The following HDAC9 variants were observed in gnomAD, a reference collection of about 807,000 sequenced individuals.
The protein encoded by HDAC9 is MEF-2 interacting transcription repressor (MITR) protein.
Under a neutral mutation model 139.4 loss-of-function variants are expected in HDAC9, and 41 were observed. That is an observed-to-expected ratio of 0.29 (90% CI 0.23 to 0.38). The LOEUF is 0.38. Ranked by LOEUF, HDAC9 falls within the 10% of genes least tolerant of loss-of-function variation. The pLI, the probability that HDAC9 is intolerant of heterozygous loss-of-function variation, is 1.00. For synonymous variants in HDAC9, 517 were observed against 476.2 expected (o/e 1.09, Z -1.12); for missense variants, 1,147 against 1,297.0 (o/e 0.88, Z 1.78).
intron 1 of HDAC9, among the ~76,000 whole-genome samples, chr7:18,408,829 A>G (rs1788261886): frequency 6.6e-6 from 1 of 152,234 alleles, no homozygotes; most frequent in South Asian, 2.1e-4. Flanking sequence ...AATAATTTCT[A>G]ATGCAGCTCC....
In HDAC9 at chr7:18,746,582, A is replaced by G. The variant is rs546434679; in HGVS notation, c.1910-2423A>G. ...GACATAAAATAAAAGGTAGAAGATTAAACAAGTAAGACTACCCTTCAGGAA... is the reference window on the plus strand; with the variant it reads ...GACATAAAATAAAAGGTAGAAGATTGAACAAGTAAGACTACCCTTCAGGAA... On this transcript the variant is annotated intron_variant, in intron 13 of 25. Coordinates refer to ENST00000686413, the MANE Select transcript of HDAC9 (RefSeq NM_178425.4). Among the ~76,000 whole-genome samples, 7 of 152,384 alleles carry G rather than the reference A, an allele frequency of 4.6e-5. No individual in the cohort carries two copies. In the South Asian group the frequency reaches 1.5e-3, roughly 32 times the overall value.
chr7:18,873,812 G>A lies in HDAC9; in HGVS notation c.2685-666G>A, dbSNP rs118084620. On this transcript the variant is annotated intron_variant, in intron 21 of 25. Coordinates refer to ENST00000686413, the MANE Select transcript of HDAC9 (RefSeq NM_178425.4). ...GATGAGAAAGGGGTTTCGGAGCCCTGAAGTTGAGAAGGGAAGTGTTGAAGT... is the reference window on the plus strand; with the variant it reads ...GATGAGAAAGGGGTTTCGGAGCCCTAAAGTTGAGAAGGGAAGTGTTGAAGT... Among the ~76,000 whole-genome samples the A allele has an allele frequency of 1.8e-4, 28 of 152,196 alleles. No homozygotes were observed. In the East Asian group the frequency reaches 5.0e-3, roughly 27 times the overall value.
At position 18,996,171 on chromosome 7, in the gene HDAC9, T is replaced by G. The variant is rs929665751; in HGVS notation, c.*109T>G. 1 of 766,538 alleles carries G rather than the reference T, an allele frequency of 1.3e-6. No homozygotes were observed. Among genetic ancestry groups the G allele is most frequent in the African/African-American group, 1.8e-5 (1 of 57,114 alleles). The allele number at this position is 766,538 out of a possible 1,614,324, so 47.5% of individuals were successfully genotyped here. A position where few individuals can be genotyped will look rare whatever the true frequency, so the allele number is the denominator to read the frequency against. On this transcript the variant is annotated 3_prime_UTR_variant, in exon 26 of 26. Transcript: ENST00000686413. Reference sequence around the variant, plus strand: ...TGCTGCCTGGGTGGCACAGATTCAATGGAACATAAACACTGGGCACAAAAT... The same window carrying G: ...TGCTGCCTGGGTGGCACAGATTCAAGGGAACATAAACACTGGGCACAAAAT...
chr7:18,714,573 G>GT (rs1423661838), intron 12 of HDAC9, among the ~76,000 whole-genome samples: 7 of 152,186 alleles, frequency 4.6e-5, no homozygotes, highest in Admixed American at 1.3e-4. Flanking sequence ...CATTTACCAG[G>GT]TGCCCTGTCA....
chr7:18,437,230 G>A (rs1198601460), intron 1 of HDAC9, among the ~76,000 whole-genome samples: 1 of 152,104 alleles, frequency 6.6e-6, no homozygotes, highest in Admixed American at 6.6e-5. Context: ...GTATGTGTGT[G>A]TGTTTATATA....
intron 17 of HDAC9, among the ~76,000 whole-genome samples, chr7:18,825,653 A>G (rs1795367549): frequency 6.6e-6 from 1 of 151,444 alleles, no homozygotes. Context: ...GAGAAGAAGA[A>G]AAACGTGGGA....
intron 6 of HDAC9, among the ~76,000 whole-genome samples, chr7:18,622,577 C>T (rs1481558380): frequency 6.6e-6 from 1 of 152,016 alleles, no homozygotes; most frequent in East Asian, 1.9e-4. Flanking sequence ...CCGCCTTGGC[C>T]TCCCAGAGTG....
In HDAC9 at chr7:18,634,682, G is replaced by A; in HGVS notation, c.852G>A (p.Gly284=). 1 of 1,598,478 alleles carries A rather than the reference G, an allele frequency of 6.3e-7. No individual in the cohort carries two copies. The highest frequency in any genetic ancestry group is 8.5e-7 in the Non-Finnish European group (1 of 1,171,734). The change falls in exon 8 of 26, where the codon GGG becomes GGA. Residue 284 remains glycine, a synonymous_variant. Transcript: ENST00000686413. ...PGSGPSSPNN[G]PTGSVTENET... is the part of the protein sequence containing the mutation. ...CTGGTCCCAGTTCACCAAACAATGG[G>A]CCAACTGGAAGTGTTACTGAAAATG...
At chr7:18,790,568 T>TA (rs1307045531) in intron 16 of HDAC9, among the ~76,000 whole-genome samples, 3 of 152,192 alleles carry the variant, frequency 2.0e-5, no homozygotes, top group African/African-American at 7.2e-5. Flanking sequence ...TATTTTGTTA[T>TA]GGCAACCTGA....
intron 2 of HDAC9, among the ~76,000 whole-genome samples, chr7:18,545,419 G>A (rs997925531): frequency 1.3e-5 from 2 of 152,198 alleles, no homozygotes; most frequent in African/African-American, 2.4e-5. Context: ...AAGTTGGGTA[G>A]TGACCAGAAG....
At chr7:18,327,543 G>A (rs1403996701) in intron 1 of HDAC9, 2 of 151,712 alleles carry the variant, frequency 1.3e-5, no homozygotes, top group African/African-American at 2.4e-5. Flanking sequence ...TGGAATGTGC[G>A]ACACTTCATC....
intron 12 of HDAC9, among the ~76,000 whole-genome samples, chr7:18,717,892 A>ATT (rs1220954211): frequency 6.6e-6 from 1 of 152,212 alleles, no homozygotes; most frequent in Non-Finnish European, 1.5e-5. Flanking sequence ...AATAAACATT[A>ATT]TTTTAAAATT....
At chr7:18,857,045 C>T (rs761173908) in intron 21 of HDAC9, among the ~76,000 whole-genome samples, 1 of 152,156 alleles carries the variant, frequency 6.6e-6, no homozygotes, top group Non-Finnish European at 1.5e-5. Flanking sequence ...GTCCAGCTTT[C>T]AACTCTTCAC....
chr7:18,829,260 C>T, intron 18 of HDAC9, 44 bp downstream of exon 18: 4 of 1,481,554 alleles, frequency 2.7e-6, no homozygotes, highest in South Asian at 1.1e-5. Flanking sequence ...ACCACGGTTC[C>T]TGGCGGTCAC....
intron 2 of HDAC9, among the ~76,000 whole-genome samples, chr7:18,524,463 G>T (rs1419404045): frequency 6.6e-6 from 1 of 152,092 alleles, no homozygotes; most frequent in Non-Finnish European, 1.5e-5. Context: ...CTCACTCTCT[G>T]CTATTATTAG....
chr7:18,233,103 A>T (rs985022060), intron 2 of HDAC9, among the ~76,000 whole-genome samples: 7 of 152,178 alleles, frequency 4.6e-5, no homozygotes, highest in African/African-American at 1.2e-4. Flanking sequence ...TTTCTTATCA[A>T]GCTTCAGAAA....
chr7:18,334,247 A>G (rs1359948071), intron 1 of HDAC9, among the ~76,000 whole-genome samples: 1 of 151,472 alleles, frequency 6.6e-6, no homozygotes. Context: ...AATAATTTTT[A>G]TGACTTTATA....
chr7:18,149,984 A>G (rs1056381805), intron 1 of HDAC9, among the ~76,000 whole-genome samples: 3 of 152,132 alleles, frequency 2.0e-5, no homozygotes, highest in African/African-American at 7.2e-5. Flanking sequence ...GGTGTAATCT[A>G]AAGTGCTCAG....
chr7:18,171,301 C>T (rs1228402354), intron 2 of HDAC9, among the ~76,000 whole-genome samples: 1 of 152,096 alleles, frequency 6.6e-6, no homozygotes, highest in South Asian at 2.1e-4. Flanking sequence ...ATTTTGTATC[C>T]TGAGACTTTG....
Sources: gnomAD v4.1 joint callset for allele counts (sites outside exome capture counted in the v4.1 genomes callset) on GRCh38, gnomAD v4.1.1 for gene constraint, MANE v1.5 for transcripts, NCBI Gene and HGNC (gene_info 2026-07-23, HGNC 2026-07-21) for gene names.